Variants in CALN1 observed in about 807,000 individuals in gnomAD.
The protein encoded by CALN1 is calneuron 1.
Under a neutral mutation model 30.6 loss-of-function variants are expected in CALN1, and 17 were observed. The observed-to-expected ratio is 0.56, with a 90% CI of 0.38 to 0.83. The LOEUF (loss-of-function observed/expected upper bound fraction) is 0.83, where lower values mean the gene tolerates loss of function less well. CALN1 is among the 40% of genes least tolerant of loss of function. The probability of loss-of-function intolerance (pLI) is 0.00; values close to 1 mark genes in which losing one functional copy is unlikely to be tolerated. For synonymous variants in CALN1, 156 were observed against 131.4 expected, an observed-to-expected ratio of 1.19 and a Z score of -1.28; for missense variants, 291 against 354.9, an observed-to-expected ratio of 0.82 and a Z score of 1.45.
Position 72,093,740 on chromosome 7 carries a change from C to T in CALN1, c.388+12411G>A, listed in dbSNP as rs575943488. 4.5e-4 allele frequency among the ~76,000 whole-genome samples: 69 copies of T among 152,252 alleles called. 1 individual carries two copies. The South Asian group carries it at 0.011, about 23-fold the overall frequency. On this transcript the variant is annotated intron_variant, in intron 4 of 6. Transcript: ENST00000395275. ...GTCACAGAGAACTAGATTGCTTCTG[C>T]GGTGGTTCTAAAATAATCACTTATT...
rs1319113622 is a variant in CALN1 at position 71,784,499 on chromosome 7, A to G, written c.*3276T>C. The G allele has an allele frequency of 7.4e-6, 2 of 268,776 alleles. No homozygotes were observed. The highest frequency in any genetic ancestry group is 1.4e-5 in the Non-Finnish European group (2 of 144,132). The allele number at this position is 268,776 out of a possible 1,614,324, so 16.6% of individuals were successfully genotyped here. ...CTGGAAGCCATTGCTAATAGTCCCGATGCTAGATTCTGTCTGGGGGCTTTG... is the reference window on the plus strand; with the variant it reads ...CTGGAAGCCATTGCTAATAGTCCCGGTGCTAGATTCTGTCTGGGGGCTTTG... On this transcript the variant is annotated 3_prime_UTR_variant, in exon 7 of 7. Coordinates refer to ENST00000395275, the MANE Select transcript of CALN1 (RefSeq NM_031468.4).
chr7:72,139,410 C>T (rs1038454311), intron 3 of CALN1, among the ~76,000 whole-genome samples: 1 of 150,678 alleles, frequency 6.6e-6, no homozygotes, highest in Non-Finnish European at 1.5e-5. Flanking sequence ...TTCTAAGCAC[C>T]TCAGCCACGC....
At chr7:72,310,545 TC>T (rs1799966892) in intron 2 of CALN1, among the ~76,000 whole-genome samples, 1 of 151,868 alleles carries the variant, frequency 6.6e-6, no homozygotes, top group Non-Finnish European at 1.5e-5. Flanking sequence ...TAGTGCCAGC[TC>T]TCAGCCATGT....
intron 5 of CALN1, among the ~76,000 whole-genome samples, chr7:71,923,925 G>C (rs1405126948): frequency 6.6e-6 from 1 of 152,110 alleles, no homozygotes; most frequent in Non-Finnish European, 1.5e-5. Context: ...GGGCATAGTG[G>C]CTCACACTTG....
chr7:72,500,398 A>G, the CALN1 span, among the ~76,000 whole-genome samples: 2 of 139,274 alleles, frequency 1.4e-5, no homozygotes, highest in East Asian at 4.4e-4. Flanking sequence ...CTCCTGCCTC[A>G]GCCTCCCGAG....
chr7:72,391,198 AAAG>A (rs1406747279), intron 2 of CALN1, among the ~76,000 whole-genome samples: 3 of 152,208 alleles, frequency 2.0e-5, no homozygotes, highest in South Asian at 2.1e-4. Flanking sequence ...CCACATATTG[AAAG>A]AAGATGGTAG....
At chr7:72,065,465 C>G (rs2129537369) in intron 4 of CALN1, among the ~76,000 whole-genome samples, 1 of 151,950 alleles carries the variant, frequency 6.6e-6, no homozygotes, top group Non-Finnish European at 1.5e-5. Flanking sequence ...GACAACCCTT[C>G]AAATACCAAG....
intron 2 of CALN1, among the ~76,000 whole-genome samples, chr7:72,335,559 G>A (rs751550360): frequency 1.3e-5 from 2 of 152,080 alleles, no homozygotes; most frequent in African/African-American, 4.8e-5. Flanking sequence ...GCGCTAAGCT[G>A]CTATTCCCTG....
In CALN1 at chr7:72,000,689, A is replaced by C. The variant is rs1166901466; in HGVS notation, c.501+22968T>G. Reference sequence around the variant, plus strand: ...AAGAAATAGAAACACTTACTAATTCATTTTACAAGGCCTCATAACAAAACC... The same window carrying C: ...AAGAAATAGAAACACTTACTAATTCCTTTTACAAGGCCTCATAACAAAACC... On this transcript the variant is annotated intron_variant, in intron 5 of 6. Coordinates refer to ENST00000395275, the MANE Select transcript of CALN1 (RefSeq NM_031468.4). Among the ~76,000 whole-genome samples the C allele has an allele frequency of 3.3e-5, 5 of 152,320 alleles. No individual in the cohort carries two copies. In the East Asian group the frequency reaches 9.6e-4, roughly 29 times the overall value.
intron 3 of CALN1, among the ~76,000 whole-genome samples, chr7:72,150,925 C>T (rs1787193558): frequency 1.4e-5 from 2 of 146,878 alleles, no homozygotes; most frequent in African/African-American, 2.5e-5. Context: ...ACACTGTTGT[C>T]ATGAGCCTGC....
At chr7:72,334,327 CACA>C (rs1329431784) in intron 2 of CALN1, among the ~76,000 whole-genome samples, 1 of 152,164 alleles carries the variant, frequency 6.6e-6, no homozygotes, top group African/African-American at 2.4e-5. Context: ...CTGCACACAC[CACA>C]ACAGAAGGAA....
intron 5 of CALN1, among the ~76,000 whole-genome samples, chr7:71,961,607 T>C (rs1320445033): frequency 6.6e-6 from 1 of 152,106 alleles, no homozygotes; most frequent in East Asian, 1.9e-4. Context: ...AATAAGAAAA[T>C]GTGTGTGCGC....
intron 3 of CALN1, among the ~76,000 whole-genome samples, chr7:72,136,726 C>G (rs1253997921): frequency 6.6e-6 from 1 of 152,156 alleles, no homozygotes; most frequent in Non-Finnish European, 1.5e-5. Flanking sequence ...CTTCCTTTCA[C>G]TTGAACACTT....
intron 4 of CALN1, among the ~76,000 whole-genome samples, chr7:72,045,275 C>G (rs1297194708): frequency 2.0e-5 from 3 of 152,176 alleles, no homozygotes; most frequent in Non-Finnish European, 2.9e-5. Context: ...CTGCTCCAAG[C>G]TGGGAGACCC....
At chr7:71,904,010 C>A (rs915335540) in intron 5 of CALN1, among the ~76,000 whole-genome samples, 7 of 152,094 alleles carry the variant, frequency 4.6e-5, no homozygotes, top group African/African-American at 1.7e-4. Context: ...TATCATCTCA[C>A]CCCAGTTAGA....
intron 2 of CALN1, among the ~76,000 whole-genome samples, chr7:72,347,310 T>TGATCTCAGCTCACTGCAGC (rs1196759978): frequency 3.9e-5 from 6 of 151,902 alleles, no homozygotes; most frequent in South Asian, 2.1e-4. Flanking sequence ...TGCAATGCCG[T>TGATCTCAGCTCACTGCAGC]GATCTCAGCT....
At chr7:72,193,124 G>A (rs1156511313) in intron 3 of CALN1, among the ~76,000 whole-genome samples, 1 of 151,690 alleles carries the variant, frequency 6.6e-6, no homozygotes, top group African/African-American at 2.4e-5. Flanking sequence ...GGAAGCAGAG[G>A]TTGCAGTGAA....
intron 4 of CALN1, among the ~76,000 whole-genome samples, chr7:72,050,799 G>A (rs1802782838): frequency 6.6e-6 from 1 of 152,010 alleles, no homozygotes; most frequent in Non-Finnish European, 1.5e-5. Context: ...TCAGGAGTTT[G>A]AGACCAGCCG....
intron 2 of CALN1, among the ~76,000 whole-genome samples, chr7:72,358,293 T>TA (rs1803359592): frequency 1.3e-5 from 2 of 152,118 alleles, no homozygotes; most frequent in Admixed American, 1.3e-4. Context: ...CTACCACGCC[T>TA]AGCCTTGGAT....
Sources: allele counts gnomAD v4.1 joint callset (sites outside exome capture counted in the v4.1 genomes callset), GRCh38; gene constraint gnomAD v4.1.1; transcripts MANE v1.5; gene names NCBI Gene and HGNC (gene_info 2026-07-23, HGNC 2026-07-21).